Variants in HELLS observed in about 807,000 individuals in gnomAD.
The protein encoded by HELLS is lymphoid-specific helicase.
HELLS carries 32 observed loss-of-function variants against 120.0 expected under a neutral mutation model. The observed-to-expected ratio is 0.27, with a 90% CI of 0.20 to 0.36. The LOEUF is 0.36. HELLS is among the 10% of genes least tolerant of loss of function. HELLS has a pLI of 1.00. For missense variants in HELLS, 650 were observed against 993.4 expected (o/e 0.65, Z 4.65); for synonymous variants, 341 against 323.4 (o/e 1.05, Z -0.58).
At chr10:94,608,083 G>T in intron 9 of HELLS, 1 of 165,706 alleles carries the variant, frequency 6.0e-6, no homozygotes, top group Non-Finnish European at 1.4e-5. Context: ...AACATTAAGT[G>T]CTTCTGATAG....
chr10:94,565,874 T>C (rs538514742), intron 6 of HELLS, among the ~76,000 whole-genome samples: 2 of 151,990 alleles, frequency 1.3e-5, no homozygotes, highest in South Asian at 2.1e-4. Flanking sequence ...GAGAGAGATA[T>C]AGGAGTAAGT....
At chr10:94,604,124 CTTT>C (rs1197097813), downstream of HELLS, among the ~76,000 whole-genome samples, 6 of 130,408 alleles carry the variant, frequency 4.6e-5, no homozygotes, top group South Asian at 2.5e-4. Flanking sequence ...CCACATCTGG[CTTT>C]TTTTTTTTTT....
intron 3 of HELLS, among the ~76,000 whole-genome samples, chr10:94,556,878 T>A (rs768998331): frequency 6.6e-6 from 1 of 152,252 alleles, no homozygotes; most frequent in Non-Finnish European, 1.5e-5. Flanking sequence ...TCTATATGTC[T>A]GTAAGCAATT....
At chr10:94,611,637 A>G (rs572750743) in exon 10 of HELLS, 1 of 152,124 alleles carries the variant, frequency 6.6e-6, no homozygotes, top group Admixed American at 6.6e-5. Flanking sequence ...CACTTGTGTC[A>G]TTTCTTATAC....
chr10:94,568,966 C>G (rs112484851), intron 6 of HELLS, among the ~76,000 whole-genome samples: 2 of 151,758 alleles, frequency 1.3e-5, no homozygotes, highest in African/African-American at 2.4e-5. Flanking sequence ...CTCATCCTCC[C>G]GAGTAGCTGG....
intron 6 of HELLS, among the ~76,000 whole-genome samples, chr10:94,567,905 G>GTTTTTT (rs34881072): frequency 3.1e-5 from 4 of 130,668 alleles, no homozygotes; most frequent in African/African-American, 9.1e-5. Context: ...TGAAACCCTG[G>GTTTTTT]TTTTTTTTTT....
chr10:94,552,566 A>G (rs764800185), intron 2 of HELLS, among the ~76,000 whole-genome samples: 19 of 152,236 alleles, frequency 1.2e-4, no homozygotes, highest in Non-Finnish European at 2.2e-4. Context: ...ATATTACACT[A>G]ATGTCTCATC....
intron 9 of HELLS, among the ~76,000 whole-genome samples, chr10:94,576,178 A>C (rs2134060760): frequency 6.6e-6 from 1 of 152,110 alleles, no homozygotes; most frequent in South Asian, 2.1e-4. Context: ...CAGTGGCGTC[A>C]TTCTGGCTCA....
At chr10:94,595,413 G>C (rs1355765593) in intron 19 of HELLS, among the ~76,000 whole-genome samples, 1 of 152,152 alleles carries the variant, frequency 6.6e-6, no homozygotes, top group Non-Finnish European at 1.5e-5. Context: ...CCTGATAAGA[G>C]ATTGGCTTGC....
chr10:94,566,200 C>T (rs564800660), intron 6 of HELLS, among the ~76,000 whole-genome samples: 9 of 152,182 alleles, frequency 5.9e-5, no homozygotes, highest in Admixed American at 3.3e-4. Context: ...GATGTTTATA[C>T]ACCATATTAG....
At chr10:94,553,469 A>C (rs767501442) in intron 2 of HELLS, among the ~76,000 whole-genome samples, 63 of 151,484 alleles carry the variant, frequency 4.2e-4, no homozygotes, top group Non-Finnish European at 1.6e-4. Context: ...GGATGGTCTC[A>C]AACTCCTGAC....
At chr10:94,567,776 T>C (rs4918403) in intron 6 of HELLS, among the ~76,000 whole-genome samples, 57,903 of 151,876 alleles carry the variant, frequency 0.38, 11,464 homozygotes, top group East Asian at 0.68. Flanking sequence ...GGTGTGGTGG[T>C]GCATGACTTT....
chr10:94,573,000 C>T (rs1213345112), intron 7 of HELLS, among the ~76,000 whole-genome samples: 2 of 152,072 alleles, frequency 1.3e-5, no homozygotes, highest in African/African-American at 4.8e-5. Context: ...CACTCTGTCG[C>T]CCAGGCTGGA....
chr10:94,607,984 C>A, exon 9 of HELLS: 1 of 401,794 alleles, frequency 2.5e-6, no homozygotes, highest in Non-Finnish European at 5.0e-6. Context: ...CTCGGCCTCC[C>A]AAAGTGCTGG....
At chr10:94,597,263 A>G (rs999227315) in intron 21 of HELLS, 152 bp downstream of exon 21, 5 of 528,544 alleles carry the variant, frequency 9.5e-6, no homozygotes, top group Non-Finnish European at 1.7e-5. Context: ...CAAATCTCAG[A>G]CATGACATTT....
At chr10:94,563,997 A>T (rs1488338832) in intron 6 of HELLS, among the ~76,000 whole-genome samples, 1 of 151,736 alleles carries the variant, frequency 6.6e-6, no homozygotes, top group Non-Finnish European at 1.5e-5. Context: ...TTTAGTGGAG[A>T]TGGGGTTTCA....
At chr10:94,599,947 A>G (rs1339368014) in intron 21 of HELLS, among the ~76,000 whole-genome samples, 1 of 152,194 alleles carries the variant, frequency 6.6e-6, no homozygotes, top group Non-Finnish European at 1.5e-5. Context: ...AGTGTAAGTC[A>G]GTGGTCCCCA....
At position 94,573,984 on chromosome 10, in the gene HELLS, C is replaced by T. The variant is rs1348121888; in HGVS notation, c.502C>T (p.Leu168Phe). 2 of 1,607,832 alleles carry T rather than the reference C, an allele frequency of 1.2e-6. No homozygotes were observed. The highest frequency in any genetic ancestry group is 2.2e-5 in the East Asian group (1 of 44,842). ...NEDENSSSTN[L>F]CVEDLQKNKD... ...GGATGAAAACTCCTCCTCTACTAAT[C>T]TCTGTGTGGAAGATCTTCAGAAAAA... Residue 168 changes from leucine (L) to phenylalanine (F), a missense_variant, in exon 8 of 22, where the codon CTC becomes TTC. Physicochemically the swap from Leu to Phe is conservative, Grantham distance 22. Around this residue, in one of 9 missense-constraint regions of HELLS, gnomAD observed 113 missense variants for 120.7 expected, o/e 0.94. Coordinates refer to ENST00000348459, the MANE Select transcript of HELLS (RefSeq NM_018063.5).
chr10:94,571,532 C>T, intron 7 of HELLS, 103 bp downstream of exon 7: 2 of 950,724 alleles, frequency 2.1e-6, no homozygotes, highest in Non-Finnish European at 3.0e-6. Context: ...TCACTATTAT[C>T]CTGTTTCTTT....
Sources: allele counts gnomAD v4.1 joint callset (sites outside exome capture counted in the v4.1 genomes callset), GRCh38; gene constraint gnomAD v4.1.1; regional missense constraint gnomAD v4.1.1; transcripts MANE v1.5; gene names NCBI Gene and HGNC (gene_info 2026-07-23, HGNC 2026-07-21).